MTDH: variants seen among roughly 807,000 people sequenced by gnomAD.
The protein encoded by MTDH is metadherin.
A neutral mutation model predicts 72.7 loss-of-function variants in MTDH; 34 were observed. The observed-to-expected ratio is 0.47, with a 90% CI of 0.36 to 0.62. MTDH has a LOEUF of 0.62. Among genes scored for constraint, MTDH ranks in the 20% least tolerant of loss-of-function variants. MTDH has a pLI of 0.00. For missense variants in MTDH, 677 were observed against 699.4 expected (o/e 0.97, Z 0.36); for synonymous variants, 266 against 268.9 (o/e 0.99, Z 0.10).
chr8:97,674,386 C>G (rs978261512), intron 2 of MTDH, among the ~76,000 whole-genome samples: 7 of 152,232 alleles, frequency 4.6e-5, no homozygotes, highest in Non-Finnish European at 7.3e-5. Context: ...TTTTCACACT[C>G]TCATCCTGAT....
At chr8:97,689,889 A>G (rs1243514030) in intron 5 of MTDH, among the ~76,000 whole-genome samples, 1 of 151,372 alleles carries the variant, frequency 6.6e-6, no homozygotes, top group Non-Finnish European at 1.5e-5. Context: ...TTTATTTTTT[A>G]GTAGAGATGG....
chr8:97,650,718 C>T (rs1330442500), intron 1 of MTDH, among the ~76,000 whole-genome samples: 1 of 151,924 alleles, frequency 6.6e-6, no homozygotes, highest in Non-Finnish European at 1.5e-5. Context: ...ATGGAATTGC[C>T]TTTTAAAAAT....
intron 1 of MTDH, among the ~76,000 whole-genome samples, chr8:97,647,201 G>A (rs948159178): frequency 3.9e-5 from 6 of 152,298 alleles, no homozygotes; most frequent in African/African-American, 1.4e-4. Flanking sequence ...GGATACAAAG[G>A]TTAAAGCTCA....
intron 8 of MTDH, 74 bp from the exon 9 acceptor site, chr8:97,713,588 A>G (rs1439895322): frequency 1.2e-6 from 1 of 841,366 alleles, no homozygotes; most frequent in Non-Finnish European, 1.8e-6. Flanking sequence ...GAATGAAATT[A>G]TTTCATAATA....
In MTDH at chr8:97,729,010, C is replaced by T. The variant is rs1015097358; in HGVS notation, c.*4340C>T. Among the ~76,000 whole-genome samples the T allele has an allele frequency of 3.3e-5, 5 of 150,678 alleles. No homozygotes were observed. The highest frequency in any genetic ancestry group is 1.9e-4 in the East Asian group (1 of 5,140). Reference sequence around the variant, plus strand: ...CACTTCAGCCTGGAACTCCCGGGCTCGAGCTATATTCTCCCACTTTAGCCT... The same window carrying T: ...CACTTCAGCCTGGAACTCCCGGGCTTGAGCTATATTCTCCCACTTTAGCCT... On this transcript the variant is annotated 3_prime_UTR_variant, in exon 12 of 12. Transcript: ENST00000336273.
intron 1 of MTDH, among the ~76,000 whole-genome samples, chr8:97,656,691 G>A (rs1387387516): frequency 6.6e-6 from 1 of 151,844 alleles, no homozygotes; most frequent in African/African-American, 2.4e-5. Flanking sequence ...TTAGCCTGAT[G>A]CCTGGTACTT....
chr8:97,646,304 A>G (rs1274258578), intron 1 of MTDH, among the ~76,000 whole-genome samples: 2 of 152,226 alleles, frequency 1.3e-5, no homozygotes, highest in African/African-American at 4.8e-5. Flanking sequence ...AAACCTGGAA[A>G]AGGCACAACT....
intron 2 of MTDH, among the ~76,000 whole-genome samples, chr8:97,663,037 G>T (rs1364004931): frequency 6.6e-6 from 1 of 152,106 alleles, no homozygotes; most frequent in Non-Finnish European, 1.5e-5. Context: ...AACATAAGGA[G>T]TGTGAGTTTA....
chr8:97,721,602 C>G (rs548481377), intron 10 of MTDH, among the ~76,000 whole-genome samples: 1 of 152,332 alleles, frequency 6.6e-6, no homozygotes, highest in South Asian at 2.1e-4. Flanking sequence ...ATTACTTACC[C>G]TTCTTTCTAT....
chr8:97,703,079 AC>A (rs1814201805), intron 7 of MTDH, among the ~76,000 whole-genome samples: 1 of 152,184 alleles, frequency 6.6e-6, no homozygotes, highest in Non-Finnish European at 1.5e-5. Flanking sequence ...AGAATTAGTT[AC>A]CCAGGCCGGT....
At chr8:97,715,162 C>CT (rs1814810943) in intron 9 of MTDH, among the ~76,000 whole-genome samples, 1 of 150,562 alleles carries the variant, frequency 6.6e-6, no homozygotes, top group Admixed American at 6.6e-5. Flanking sequence ...GAGTCTCACT[C>CT]TGTCACCCCG....
rs1174573079 is a variant in MTDH, at chr8:97,708,581, C to CT, written c.1272+1869dup. Among the ~76,000 whole-genome samples the CT allele has an allele frequency of 1.1e-3, 32 of 30,258 alleles. 11 individuals carry two copies. The highest frequency in any genetic ancestry group is 1.7e-3 in the African/African-American group (7 of 4,076). 19.9% of individuals were successfully genotyped at this position (30,258 alleles called of 152,430 possible). On this transcript the variant is annotated intron_variant, in intron 8 of 11. Transcript: ENST00000336273. ...ACAGGCATGAGCCACCATGCCAGGCCTTTTTTTTTTTTTTTTTTTTTTTTT... is the reference window on the plus strand; with the variant it reads ...ACAGGCATGAGCCACCATGCCAGGCCTTTTTTTTTTTTTTTTTTTTTTTTTT...
At chr8:97,716,224 TAAA>T (rs1359558489) in intron 9 of MTDH, among the ~76,000 whole-genome samples, 1 of 151,772 alleles carries the variant, frequency 6.6e-6, no homozygotes, top group Non-Finnish European at 1.5e-5. Flanking sequence ...CTGTCTCTAC[TAAA>T]AATACAGCAT....
chr8:97,648,299 T>C (rs2513373), intron 1 of MTDH, among the ~76,000 whole-genome samples: 72,962 of 151,276 alleles, frequency 0.48, 20,940 homozygotes, highest in African/African-American at 0.8. Flanking sequence ...TTTTGGAAAT[T>C]ATTATCTTGT....
chr8:97,716,468 TC>T (rs1309925980), intron 9 of MTDH, among the ~76,000 whole-genome samples: 2 of 151,830 alleles, frequency 1.3e-5, no homozygotes, highest in African/African-American at 4.8e-5. Context: ...GGCGGGTGGA[TC>T]ACAAGGTCAG....
intron 8 of MTDH, 77 bp from the exon 9 acceptor site, chr8:97,713,585 A>G: frequency 2.4e-6 from 2 of 828,776 alleles, no homozygotes; most frequent in Non-Finnish European, 3.8e-6. Flanking sequence ...AATGAATGAA[A>G]TTATTTCATA....
intron 2 of MTDH, among the ~76,000 whole-genome samples, chr8:97,672,921 T>C (rs150113112): frequency 5.3e-5 from 8 of 152,214 alleles, no homozygotes; most frequent in Non-Finnish European, 8.8e-5. Flanking sequence ...TCCAGACATA[T>C]TTAAATAATT....
intron 2 of MTDH, among the ~76,000 whole-genome samples, chr8:97,680,399 C>T (rs931689136): frequency 2.0e-5 from 3 of 152,128 alleles, no homozygotes; most frequent in African/African-American, 7.2e-5. Context: ...AAGAATGGAG[C>T]CATTTGCTGT....
chr8:97,687,729 T>G (rs374097504), intron 4 of MTDH, 124 bp downstream of exon 4: 1 of 791,590 alleles, frequency 1.3e-6, no homozygotes. Context: ...TGATATACCC[T>G]TCTTCATGAG....
Sources: allele counts gnomAD v4.1 joint callset (sites outside exome capture counted in the v4.1 genomes callset), GRCh38; gene constraint gnomAD v4.1.1; transcripts MANE v1.5; gene names NCBI Gene and HGNC (gene_info 2026-07-23, HGNC 2026-07-21).